The following HERC3 variants were observed in gnomAD, a reference collection of about 807,000 sequenced individuals.
HERC3 encodes probable E3 ubiquitin-protein ligase HERC3.
A neutral mutation model predicts 129.9 loss-of-function variants in HERC3; 58 were observed. That is an observed-to-expected ratio of 0.45 (90% CI 0.36 to 0.56). The LOEUF (loss-of-function observed/expected upper bound fraction) is 0.56. HERC3 is among the 20% of genes least tolerant of loss of function. The pLI, the probability that HERC3 is intolerant of heterozygous loss-of-function variation, is 0.00. For missense variants in HERC3, 835 were observed against 1,244.2 expected, an observed-to-expected ratio of 0.67 and a Z score of 4.95; for synonymous variants, 430 against 451.0, an observed-to-expected ratio of 0.95 and a Z score of 0.59.
rs1307990117 is a variant in HERC3, at chr4:88,655,901, C to A, written c.935C>A (p.Ser312Tyr). Residue 312 changes from serine (S) to tyrosine (Y), a missense_variant, in exon 9 of 26, where the codon TCT (serine) becomes TAT (tyrosine). Transcript: ENST00000402738. ...GRQHTLAFVP[S>Y]SGLIYAFGCG... is the part of the protein sequence containing the mutation. ...CAACATACCCTAGCCTTCGTGCCTT[C>A]TTCTGGACTCATCTATGCATTTGGT... The A allele has an allele frequency of 6.2e-7, 1 of 1,613,908 alleles. No homozygotes were observed. The highest frequency in any genetic ancestry group is 1.7e-5 in the Admixed American group (1 of 59,986).
intron 2 of HERC3, among the ~76,000 whole-genome samples, chr4:88,604,144 C>A (rs1052225188): frequency 9.2e-5 from 14 of 152,172 alleles, no homozygotes; most frequent in Non-Finnish European, 2.9e-5. Flanking sequence ...CCTCAGCCTC[C>A]CGAGTAGCTG....
chr4:88,601,223 C>T (rs983424405), intron 2 of HERC3, among the ~76,000 whole-genome samples: 141 of 152,264 alleles, frequency 9.3e-4, no homozygotes, highest in African/African-American at 3.3e-3. Context: ...TATTTTGGGC[C>T]TTTTCATGCC....
intron 3 of HERC3, among the ~76,000 whole-genome samples, chr4:88,613,409 T>G (rs1323498967): frequency 2.0e-5 from 3 of 152,250 alleles, no homozygotes. Context: ...AGCATTTCCC[T>G]AATGCCCATC....
chr4:88,704,863 C>CTTTCTTTTTT (rs1336673525), intron 25 of HERC3, among the ~76,000 whole-genome samples: 7 of 130,670 alleles, frequency 5.4e-5, no homozygotes, highest in African/African-American at 1.2e-4. Context: ...TTCTTTCTTT[C>CTTTCTTTTTT]TTTTTTTTTT....
intron 3 of HERC3, among the ~76,000 whole-genome samples, chr4:88,637,259 A>G (rs2149250911): frequency 6.6e-6 from 1 of 151,980 alleles, no homozygotes; most frequent in East Asian, 1.9e-4. Context: ...CCCCGTCTCT[A>G]CTAAAAATAC....
At chr4:88,582,447 A>G in the HERC3 span, among the ~76,000 whole-genome samples, 2 of 152,172 alleles carry the variant, frequency 1.3e-5, no homozygotes, top group African/African-American at 4.8e-5. Context: ...TGCAGAACCA[A>G]GGTCTCTCTC....
chr4:88,686,461 A>G (rs941939605), intron 21 of HERC3, among the ~76,000 whole-genome samples: 1 of 152,242 alleles, frequency 6.6e-6, no homozygotes, highest in East Asian at 1.9e-4. Context: ...GGACACAAGT[A>G]TGTCAGATTA....
chr4:88,700,998 TAACA>T (rs1208365289), intron 23 of HERC3, among the ~76,000 whole-genome samples: 11 of 152,182 alleles, frequency 7.2e-5, no homozygotes, highest in Non-Finnish European at 1.3e-4. Flanking sequence ...AAAAATATCT[TAACA>T]ACATCCAGAC....
intron 6 of HERC3, among the ~76,000 whole-genome samples, chr4:88,653,566 G>A (rs562372502): frequency 7.9e-5 from 12 of 152,298 alleles, no homozygotes; most frequent in African/African-American, 2.9e-4. Flanking sequence ...GATATAACTG[G>A]TTTTCTCAGT....
Position 88,681,276 on chromosome 4 carries a change from G to T in HERC3, c.2458G>T (p.Val820Leu), listed in dbSNP as rs61744915. The part of the protein sequence containing the change: ...PLALYKKLLN[V>L]KPGLEDLKEL... ...GGCTCTCTACAAGAAGTTACTCAATGTAAAGCCTGGCTTGGAAGACTTAAA... is the reference window on the plus strand; with the variant it reads ...GGCTCTCTACAAGAAGTTACTCAATTTAAAGCCTGGCTTGGAAGACTTAAA... The change falls in exon 21 of 26, where the codon GTA (valine) becomes TTA (leucine). Residue 820 changes from valine (V) to leucine (L), a missense_variant. By Grantham distance (32) the Val-to-Leu change is conservative. Transcript: ENST00000402738. The T allele has an allele frequency of 2.8e-4, 451 of 1,614,016 alleles. 2 individuals are homozygous for T. In the African/African-American group the frequency reaches 5.3e-3, roughly 19 times the overall value.
intron 21 of HERC3, among the ~76,000 whole-genome samples, chr4:88,684,406 C>T (rs1733164646): frequency 6.6e-6 from 1 of 152,136 alleles, no homozygotes; most frequent in South Asian, 2.1e-4. Flanking sequence ...GGAAAACTGG[C>T]TAGGCATATG....
chr4:88,643,393 A>T (rs1003062375), intron 3 of HERC3, among the ~76,000 whole-genome samples: 1 of 152,230 alleles, frequency 6.6e-6, no homozygotes, highest in Non-Finnish European at 1.5e-5. Flanking sequence ...CAAGCCAATT[A>T]TAATGTTTAT....
chr4:88,686,801 C>T lies in HERC3; in HGVS notation c.2573C>T (p.Thr858Met), dbSNP rs146977820. The T allele has an allele frequency of 2.9e-5, 47 of 1,606,250 alleles. No individual in the cohort carries two copies. Among genetic ancestry groups the T allele is most frequent in the South Asian group, 9.9e-5 (9 of 90,858 alleles). Residue 858 changes from threonine (T) to methionine (M), a missense_variant and splice_region_variant, in exon 22 of 26, where the codon ACG becomes ATG. By Grantham distance (81) the Thr-to-Met change is moderately conservative. Transcript: ENST00000402738. The part of the protein sequence containing the change: ...DVEETFCLNF[T>M]ICRESYGVIE... Reference sequence around the variant, plus strand: ...GAGGAGACTTTCTGCCTCAACTTCACGGTAAGAATTTCCACAGTTTACTTA... The same window carrying T: ...GAGGAGACTTTCTGCCTCAACTTCATGGTAAGAATTTCCACAGTTTACTTA...
At chr4:88,668,117 G>A (rs997939702) in intron 14 of HERC3, 36 bp downstream of exon 14, 5 of 1,544,810 alleles carry the variant, frequency 3.2e-6, no homozygotes, top group Middle Eastern at 1.7e-4. Flanking sequence ...TGGTTTTATG[G>A]TCATTTGTTT....
At chr4:88,554,222 A>C in the HERC3 span, among the ~76,000 whole-genome samples, 1 of 151,962 alleles carries the variant, frequency 6.6e-6, no homozygotes, top group African/African-American at 2.4e-5. Flanking sequence ...GGCATGCGCC[A>C]ATAGTCCCAG....
chr4:88,531,218 T>TAAAAATTTTTA, the HERC3 span, among the ~76,000 whole-genome samples: 1 of 151,544 alleles, frequency 6.6e-6, no homozygotes, highest in Admixed American at 6.6e-5. Flanking sequence ...TAAAATTTTT[T>TAAAAATTTTTA]AATTTAAATT....
intron 3 of HERC3, among the ~76,000 whole-genome samples, chr4:88,617,167 C>A (rs1294450000): frequency 2.9e-5 from 4 of 138,262 alleles, no homozygotes; most frequent in Non-Finnish European, 6.1e-5. Context: ...ATAGTAAGAC[C>A]CTGTCTCCAA....
rs936993579 is a variant in HERC3 at position 88,607,174 on chromosome 4, T to G, written c.226+1125T>G. ...CTTTGGGTGTTGAGTAGCACTTTGG[T>G]GTGTGTGTGTGTGTGTGTGTGTATG... is the stretch of plus-strand genomic sequence containing the variant. On this transcript the variant is annotated intron_variant, in intron 3 of 25. Transcript: ENST00000402738. 1.4e-4 allele frequency among the ~76,000 whole-genome samples: 8 copies of G among 56,864 alleles called. 1 individual carries two copies. Among genetic ancestry groups the G allele is most frequent in the Admixed American group, 1.1e-3 (7 of 6,332 alleles). The allele number at this position is 56,864 out of a possible 152,430, so 37.3% of individuals were successfully genotyped here.
intron 23 of HERC3, among the ~76,000 whole-genome samples, chr4:88,698,519 A>G (rs554497415): frequency 1.2e-3 from 177 of 148,708 alleles, no homozygotes; most frequent in Non-Finnish European, 2.2e-3. Context: ...AGAAGATCCT[A>G]CAGAATCTTT....
Sources: gnomAD v4.1 joint callset for allele counts (sites outside exome capture counted in the v4.1 genomes callset) on GRCh38, gnomAD v4.1.1 for gene constraint, MANE v1.5 for transcripts, NCBI Gene and HGNC (gene_info 2026-07-23, HGNC 2026-07-21) for gene names.